FGFBP3: variants seen among roughly 807,000 people sequenced by gnomAD.
FGFBP3 encodes fibroblast growth factor binding protein 3, also known as fibroblast growth factor-binding protein 3.
A neutral mutation model predicts 4.8 loss-of-function variants in FGFBP3; 4 were observed. The ratio of observed to expected loss-of-function variants is 0.83; its 90% CI spans 0.41 to 1.90. FGFBP3 has a LOEUF of 1.90. Ranked by LOEUF, FGFBP3 falls within the 40% of genes most tolerant of loss-of-function variation. The pLI, the probability that FGFBP3 is intolerant of heterozygous loss-of-function variation, is 0.03. For synonymous variants in FGFBP3, 215 were observed against 190.0 expected (o/e 1.13, Z -1.08); for missense variants, 429 against 397.4 (o/e 1.08, Z -0.68).
chr10:91,908,847 G>T lies in FGFBP3; in HGVS notation c.123C>A (p.Pro41=). The T allele has an allele frequency of 6.5e-7, 1 of 1,545,482 alleles. No individual in the cohort carries two copies. Residue 41 remains proline, a synonymous_variant, in exon 2 of 2, where the codon CCC becomes CCA. Transcript: ENST00000311575. ...GAASNVAEPV[P]GPTGGSSGRF... ...GACCCGAGGAGCCGCCAGTGGGCCC[G>T]GGGACCGGCTCCGCCACGTTGCTAG...
chr10:91,907,949 A>G lies in FGFBP3; in HGVS notation c.*244T>C. The G allele has an allele frequency of 2.1e-6, 1 of 470,658 alleles. No individual in the cohort carries two copies. The highest frequency in any genetic ancestry group is 3.7e-6 in the Non-Finnish European group (1 of 272,014). The allele number at this position is 470,658 out of a possible 1,614,324, so 29.2% of individuals were successfully genotyped here. ...AAGTACGCCTATTTCTGTTTCCATT[A>G]TTTTTCCTGCTCTTAATCAGGACTG... is the stretch of plus-strand genomic sequence containing the variant. On this transcript the variant is annotated 3_prime_UTR_variant, in exon 2 of 2. Coordinates refer to ENST00000311575, the MANE Select transcript of FGFBP3 (RefSeq NM_152429.5).
At position 91,907,887 on chromosome 10, in the gene FGFBP3, C is replaced by T; in HGVS notation, c.*306G>A. 3.1e-6 allele frequency: 1 copy of T among 327,524 alleles called. No individual in the cohort carries two copies. The highest frequency in any genetic ancestry group is 5.5e-6 in the Non-Finnish European group (1 of 181,222). The allele number at this position is 327,524 out of a possible 1,614,324, so 20.3% of individuals were successfully genotyped here. Reference sequence around the variant, plus strand: ...CCTTATTCTCAGCCTCCCTCTGCATCGATTTCTCTCCCCAGTCTCCAGTTT... The same window carrying T: ...CCTTATTCTCAGCCTCCCTCTGCATTGATTTCTCTCCCCAGTCTCCAGTTT... On this transcript the variant is annotated 3_prime_UTR_variant, in exon 2 of 2. Transcript: ENST00000311575.
Position 91,908,726 on chromosome 10 carries a change from T to G in FGFBP3, c.244A>C (p.Ser82Arg), listed in dbSNP as rs1357244207. 7.3e-7 allele frequency: 1 copy of G among 1,378,464 alleles called. No homozygotes were observed. Among genetic ancestry groups the G allele is most frequent in the Non-Finnish European group, 9.3e-7 (1 of 1,076,066 alleles). 85.4% of individuals were successfully genotyped at this position (1,378,464 alleles called of 1,614,324 possible). A position where few individuals can be genotyped will look rare whatever the true frequency, so the allele number is the denominator to read the frequency against. Reference sequence around the variant, plus strand: ...CACTGGTGGCGCGCCCCGTCCGGGCTCTGGCAGCGCAGCGCCAGCTCGCTG... The same window carrying G: ...CACTGGTGGCGCGCCCCGTCCGGGCGCTGGCAGCGCAGCGCCAGCTCGCTG... ...AGSELALRCQ[S>R]PDGARHQCAY... The change falls in exon 2 of 2, where the codon AGC becomes CGC. Residue 82 changes from serine to arginine, a missense_variant. Physicochemically the swap from Ser to Arg is moderately radical, Grantham distance 110. Transcript: ENST00000311575.
Position 91,908,492 on chromosome 10 carries a change from C to T in FGFBP3, c.478G>A (p.Ala160Thr). The T allele has an allele frequency of 2.2e-6, 3 of 1,391,898 alleles. No homozygotes were observed. The highest frequency in any genetic ancestry group is 2.8e-6 in the Non-Finnish European group (3 of 1,078,808). 86.2% of individuals were successfully genotyped at this position (1,391,898 alleles called of 1,614,324 possible). A position where few individuals can be genotyped will look rare whatever the true frequency, so the allele number is the denominator to read the frequency against. The stretch of plus-strand genomic sequence containing the variant: ...GGCTTGGACTCCCCCGCGAATCCCG[C>T]GACGGTGGGGCGTGCGGGCGGGGAC... ...RASPPARPTVAGFAGESKPRA... is the reference protein window; with the variant it reads ...RASPPARPTVTGFAGESKPRA... The change falls in exon 2 of 2, where the codon GCG becomes ACG. Residue 160 changes from alanine to threonine, a missense_variant. Coordinates refer to ENST00000311575, the MANE Select transcript of FGFBP3 (RefSeq NM_152429.5).
rs1431150850 is a variant in FGFBP3 at position 91,907,198 on chromosome 10, T to C, written c.*995A>G. 1 of 152,142 alleles carries C rather than the reference T, an allele frequency of 6.6e-6. No homozygotes were observed. The highest frequency in any genetic ancestry group is 2.4e-5 in the African/African-American group (1 of 41,434). 9.4% of individuals were successfully genotyped at this position (152,142 alleles called of 1,614,324 possible). A position where few individuals can be genotyped will look rare whatever the true frequency, so the allele number is the denominator to read the frequency against. ...CATTAGTCACCATTTCGTTAAAAAG[T>C]AGCACTTCTAGTGGCACACCCCTGT... is the stretch of plus-strand genomic sequence containing the variant. On this transcript the variant is annotated 3_prime_UTR_variant, in exon 2 of 2. Coordinates refer to ENST00000311575, the MANE Select transcript of FGFBP3 (RefSeq NM_152429.5).
At position 91,908,631 on chromosome 10, in the gene FGFBP3, C is replaced by T. The variant is rs368583604; in HGVS notation, c.339G>A (p.Val113=). Residue 113 remains valine (V), a synonymous_variant, in exon 2 of 2, where the codon GTG becomes GTA. Coordinates refer to ENST00000311575, the MANE Select transcript of FGFBP3 (RefSeq NM_152429.5). ...AARRAHFWKQ[V]LGGLRKKRRP... ...TCCGCTTCTTGCGCAGCCCTCCCAG[C>T]ACCTGCTTCCAGAAGTGCGCGCGGC... 4.0e-3 allele frequency: 5,726 copies of T among 1,439,078 alleles called. 15 individuals carry two copies. The highest frequency in any genetic ancestry group is 4.8e-3 in the Non-Finnish European group (5,276 of 1,100,282). The allele number at this position is 1,439,078 out of a possible 1,614,324, so 89.1% of individuals were successfully genotyped here.
At position 91,908,379 on chromosome 10, in the gene FGFBP3, T is replaced by C. The variant is rs1359337818; in HGVS notation, c.591A>G (p.Glu197=). The part of the protein sequence containing the change: ...TPPPQSAPPK[E]NPSERKTNEG... ...CGTTGGTCTTCCTCTCTGAGGGGTTTTCTTTGGGCGGTGCGCTTTGGGGAG... is the reference window on the plus strand; with the variant it reads ...CGTTGGTCTTCCTCTCTGAGGGGTTCTCTTTGGGCGGTGCGCTTTGGGGAG... The change falls in exon 2 of 2, where the codon GAA becomes GAG. Residue 197 remains glutamate, a synonymous_variant. Transcript: ENST00000311575. The C allele has an allele frequency of 6.4e-7, 1 of 1,565,826 alleles. No individual in the cohort carries two copies. Among genetic ancestry groups the C allele is most frequent in the East Asian group, 2.5e-5 (1 of 40,276 alleles).
At position 91,908,604 on chromosome 10, in the gene FGFBP3, C is replaced by T. The variant is rs899516770; in HGVS notation, c.366G>A (p.Arg122=). Residue 122 remains arginine, a synonymous_variant, in exon 2 of 2, where the codon AGG becomes AGA. Coordinates refer to ENST00000311575, the MANE Select transcript of FGFBP3 (RefSeq NM_152429.5). ...QVLGGLRKKR[R]PCHDPAPLQA... ...GGAGCGGCGCGGGGTCGTGACAGGG[C>T]CTCCGCTTCTTGCGCAGCCCTCCCA... The T allele has an allele frequency of 2.8e-6, 4 of 1,428,316 alleles. No homozygotes were observed. The South Asian group carries it at 4.3e-5, about 15-fold the overall frequency. The allele number at this position is 1,428,316 out of a possible 1,614,324, so 88.5% of individuals were successfully genotyped here.
rs116516939 is a variant in FGFBP3, at chr10:91,907,915, G to C, written c.*278C>G. 1,144 of 389,736 alleles carry C rather than the reference G, an allele frequency of 2.9e-3. 10 individuals are homozygous for C. The highest frequency in any genetic ancestry group is 0.022 in the African/African-American group (1,039 of 47,320). The allele number at this position is 389,736 out of a possible 1,614,324, so 24.1% of individuals were successfully genotyped here. A position where few individuals can be genotyped will look rare whatever the true frequency, so the allele number is the denominator to read the frequency against. ...TTTCTCTCCCCAGTCTCCAGTTTTT[G>C]CACATTTAAAGTACGCCTATTTCTG... On this transcript the variant is annotated 3_prime_UTR_variant, in exon 2 of 2. Transcript: ENST00000311575.
rs1377573842 is a variant in FGFBP3, at chr10:91,908,661, G to T, written c.309C>A (p.Ala103=). 3 of 1,434,172 alleles carry T rather than the reference G, an allele frequency of 2.1e-6. No homozygotes were observed. Among genetic ancestry groups the T allele is most frequent in the Non-Finnish European group, 2.7e-6 (3 of 1,097,462 alleles). 88.8% of individuals were successfully genotyped at this position (1,434,172 alleles called of 1,614,324 possible). Residue 103 remains alanine, a synonymous_variant, in exon 2 of 2, where the codon GCC becomes GCA. Coordinates refer to ENST00000311575, the MANE Select transcript of FGFBP3 (RefSeq NM_152429.5). ...GCTTCCAGAAGTGCGCGCGGCGAGC[G>T]GCGTAGGCTGCGCAGCGCTCCGGAT... The part of the protein sequence containing the change: ...RGHPERCAAY[A]ARRAHFWKQV...
chr10:91,908,292 G>GT lies in FGFBP3; in HGVS notation c.677dup (p.Asp226GlufsTer18). The GT allele has an allele frequency of 1.2e-6, 2 of 1,603,002 alleles. No individual in the cohort carries two copies. Among genetic ancestry groups the GT allele is most frequent in the Non-Finnish European group, 1.7e-6 (2 of 1,174,954 alleles). ...CCGCGTTCCCGTCCAGCCCGTCGGG[G>GT]TCGGGCCCGGTCCCCATGGGTCGCT... is the stretch of plus-strand genomic sequence containing the variant. On this transcript the variant is annotated frameshift_variant, in exon 2 of 2. Coordinates refer to ENST00000311575, the MANE Select transcript of FGFBP3 (RefSeq NM_152429.5). LOFTEE classifies it high-confidence loss of function.
At position 91,908,543 on chromosome 10, in the gene FGFBP3, C is replaced by T. The variant is rs1300979783; in HGVS notation, c.427G>A (p.Ala143Thr). ...RLCAGKKGHG[A>T]ELRLVPRASP... is the part of the protein sequence containing the mutation. Reference sequence around the variant, plus strand: ...GCGCGGGGCACTAGCCGCAGCTCGGCGCCGTGGCCCTTCTTGCCCGCGCAC... The same window carrying T: ...GCGCGGGGCACTAGCCGCAGCTCGGTGCCGTGGCCCTTCTTGCCCGCGCAC... The change falls in exon 2 of 2, where the codon GCC (alanine) becomes ACC (threonine). Residue 143 changes from alanine (A) to threonine (T), a missense_variant. Ala to Thr is a moderately conservative substitution (Grantham distance 58). Transcript: ENST00000311575. 1.4e-6 allele frequency: 2 copies of T among 1,379,488 alleles called. No individual in the cohort carries two copies. The highest frequency in any genetic ancestry group is 9.3e-7 in the Non-Finnish European group (1 of 1,074,054). 85.5% of individuals were successfully genotyped at this position (1,379,488 alleles called of 1,614,324 possible). A position where few individuals can be genotyped will look rare whatever the true frequency, so the allele number is the denominator to read the frequency against.
rs1488832170 is a variant in FGFBP3, at chr10:91,908,866, T to C, written c.104A>G (p.Asn35Ser). The stretch of plus-strand genomic sequence containing the variant: ...GGGCCCGGGGACCGGCTCCGCCACG[T>C]TGCTAGCCGCCCCTTTCTCCCTCCG... ...AARREKGAAS[N>S]VAEPVPGPTG... Residue 35 changes from asparagine to serine, a missense_variant, in exon 2 of 2, where the codon AAC (asparagine) becomes AGC (serine). Asn to Ser is a conservative substitution (Grantham distance 46). Transcript: ENST00000311575. The C allele has an allele frequency of 6.4e-7, 1 of 1,570,982 alleles. No homozygotes were observed. Among genetic ancestry groups the C allele is most frequent in the Non-Finnish European group, 8.6e-7 (1 of 1,165,124 alleles).
Position 91,908,686 on chromosome 10 carries a change from T to C in FGFBP3, c.284A>G (p.His95Arg). 2.1e-6 allele frequency: 3 copies of C among 1,422,124 alleles called. No individual in the cohort carries two copies. The highest frequency in any genetic ancestry group is 2.7e-6 in the Non-Finnish European group (3 of 1,091,280). The allele number at this position is 1,422,124 out of a possible 1,614,324, so 88.1% of individuals were successfully genotyped here. The change falls in exon 2 of 2, where the codon CAT becomes CGT. Residue 95 changes from histidine to arginine, a missense_variant. His to Arg is a conservative substitution (Grantham distance 29). Coordinates refer to ENST00000311575, the MANE Select transcript of FGFBP3 (RefSeq NM_152429.5). ...GGCGTAGGCTGCGCAGCGCTCCGGA[T>C]GCCCGCGGTAGGCGCACTGGTGGCG... is the stretch of plus-strand genomic sequence containing the variant. ...GARHQCAYRG[H>R]PERCAAYAAR... is the part of the protein sequence containing the mutation.
In FGFBP3 at chr10:91,909,053, G is replaced by C; in HGVS notation, c.-78-6C>G. Reference sequence around the variant, plus strand: ...CAAAGAGCATTCCCCAGGACCTGCGGACAGAGGCAGAGACTGCCACCAACT... The same window carrying C: ...CAAAGAGCATTCCCCAGGACCTGCGCACAGAGGCAGAGACTGCCACCAACT... On this transcript the variant is annotated splice_region_variant and splice_polypyrimidine_tract_variant and intron_variant, in intron 1 of 1. Transcript: ENST00000311575. 6.9e-7 allele frequency: 1 copy of C among 1,442,344 alleles called. No individual in the cohort carries two copies. Among genetic ancestry groups the C allele is most frequent in the Non-Finnish European group, 9.2e-7 (1 of 1,089,500 alleles). 89.3% of individuals were successfully genotyped at this position (1,442,344 alleles called of 1,614,324 possible).
At position 91,909,065 on chromosome 10, in the gene FGFBP3, G is replaced by T; in HGVS notation, c.-78-18C>A. ...CCCAGGACCTGCGGACAGAGGCAGA[G>T]ACTGCCACCAACTGAGCCACACGCA... On this transcript the variant is annotated intron_variant, in intron 1 of 1. Coordinates refer to ENST00000311575, the MANE Select transcript of FGFBP3 (RefSeq NM_152429.5). The T allele has an allele frequency of 7.3e-7, 1 of 1,375,472 alleles. No homozygotes were observed. Among genetic ancestry groups the T allele is most frequent in the South Asian group, 1.4e-5 (1 of 71,266 alleles). 85.2% of individuals were successfully genotyped at this position (1,375,472 alleles called of 1,614,324 possible).
In FGFBP3 at chr10:91,908,438, C is replaced by A. The variant is rs763980493; in HGVS notation, c.532G>T (p.Glu178Ter). ...PRARNRGRTR[E>*]RASGPAAGTP... ...CCAGCGGCTGGGCCGGACGCACGCT[C>A]CCGGGTCCGCCCCCGGTTCCGGGCC... The change falls in exon 2 of 2, where the codon GAG becomes TAG. Residue 178 changes from glutamate (E) to a stop codon, truncating the protein, a stop_gained. Transcript: ENST00000311575. LOFTEE classifies it low-confidence loss of function (END_TRUNC). 1.3e-6 allele frequency: 2 copies of A among 1,488,162 alleles called. No individual in the cohort carries two copies. Among genetic ancestry groups the A allele is most frequent in the Non-Finnish European group, 1.8e-6 (2 of 1,125,980 alleles). The allele number at this position is 1,488,162 out of a possible 1,614,324, so 92.2% of individuals were successfully genotyped here.
rs977958327 is a variant in FGFBP3 at position 91,907,961 on chromosome 10, C to T, written c.*232G>A. 2.0e-6 allele frequency: 1 copy of T among 495,558 alleles called. No homozygotes were observed. Among genetic ancestry groups the T allele is most frequent in the Non-Finnish European group, 3.5e-6 (1 of 288,744 alleles). 30.7% of individuals were successfully genotyped at this position (495,558 alleles called of 1,614,324 possible). ...TTCTGTTTCCATTATTTTTCCTGCT[C>T]TTAATCAGGACTGAGACTTTTCAAA... On this transcript the variant is annotated 3_prime_UTR_variant, in exon 2 of 2. Transcript: ENST00000311575.
chr10:91,907,907 C>T lies in FGFBP3; in HGVS notation c.*286G>A. On this transcript the variant is annotated 3_prime_UTR_variant, in exon 2 of 2. Coordinates refer to ENST00000311575, the MANE Select transcript of FGFBP3 (RefSeq NM_152429.5). ...TGCATCGATTTCTCTCCCCAGTCTC[C>T]AGTTTTTGCACATTTAAAGTACGCC... The T allele has an allele frequency of 2.7e-6, 1 of 372,952 alleles. No homozygotes were observed. Among genetic ancestry groups the T allele is most frequent in the Non-Finnish European group, 4.8e-6 (1 of 209,688 alleles). 23.1% of individuals were successfully genotyped at this position (372,952 alleles called of 1,614,324 possible). A position where few individuals can be genotyped will look rare whatever the true frequency, so the allele number is the denominator to read the frequency against.
Sources: allele counts gnomAD v4.1 joint callset, GRCh38; gene constraint gnomAD v4.1.1; transcripts MANE v1.5; gene names NCBI Gene and HGNC (gene_info 2026-07-23, HGNC 2026-07-21).